Variants in MGAT4C observed in about 807,000 individuals in gnomAD.
MGAT4C encodes the protein alpha-1,3-mannosyl-glycoprotein 4-beta-N-acetylglucosaminyltransferase C.
A neutral mutation model predicts 40.1 loss-of-function variants in MGAT4C; 19 were observed. The ratio of observed to expected loss-of-function variants is 0.47; its 90% confidence interval spans 0.33 to 0.70. The LOEUF is 0.70. Among genes scored for constraint, MGAT4C ranks in the 30% least tolerant of loss-of-function variants. The pLI is 0.02. For synonymous variants in MGAT4C, 181 were observed against 187.1 expected (o/e 0.97, Z 0.27); for missense variants, 491 against 563.2 (o/e 0.87, Z 1.30).
At chr12:86,610,978 G>A (rs1474240936) in intron 2 of MGAT4C, among the ~76,000 whole-genome samples, 1 of 151,836 alleles carries the variant, frequency 6.6e-6, no homozygotes, top group African/African-American at 2.4e-5. Flanking sequence ...TTACATGTGG[G>A]TCAGAAATGG....
chr12:86,601,162 G>A (rs994526681), intron 2 of MGAT4C: 1 of 152,522 alleles, frequency 6.6e-6, no homozygotes, highest in Non-Finnish European at 1.5e-5. Flanking sequence ...GTCAGCCTGG[G>A]GGCCATGAAC....
chr12:86,814,068 G>A (rs1002160538), intron 1 of MGAT4C, among the ~76,000 whole-genome samples: 11 of 151,432 alleles, frequency 7.3e-5, no homozygotes, highest in South Asian at 4.2e-4. Flanking sequence ...ACACTGCCAC[G>A]CCTGGCAAAT....
chr12:86,036,887 C>G (rs1565891452), intron 2 of MGAT4C, among the ~76,000 whole-genome samples: 1 of 149,754 alleles, frequency 6.7e-6, no homozygotes, highest in Admixed American at 6.7e-5. Flanking sequence ...CCTCTTTGTA[C>G]CTCTGGTAGA....
At chr12:86,740,449 C>T (rs1005147652) in intron 1 of MGAT4C, among the ~76,000 whole-genome samples, 1 of 150,936 alleles carries the variant, frequency 6.6e-6, no homozygotes, top group Admixed American at 6.6e-5. Flanking sequence ...TAAATGTAAG[C>T]TTTTATTAAC....
intron 1 of MGAT4C, among the ~76,000 whole-genome samples, chr12:86,063,207 T>G (rs1232022001): frequency 6.6e-6 from 1 of 152,156 alleles, no homozygotes; most frequent in Admixed American, 6.6e-5. Context: ...CAGAAGACAG[T>G]GGGGCCAGTA....
intron 4 of MGAT4C, among the ~76,000 whole-genome samples, chr12:86,274,413 T>C (rs1209768747): frequency 6.6e-6 from 1 of 152,072 alleles, no homozygotes; most frequent in Non-Finnish European, 1.5e-5. Flanking sequence ...TATATAGTTA[T>C]ATATGTTTCC....
intron 2 of MGAT4C, among the ~76,000 whole-genome samples, chr12:86,580,221 A>C (rs12307710): frequency 0.032 from 4,821 of 151,578 alleles, 123 homozygotes; most frequent in Middle Eastern, 0.086. Context: ...TCAAATTTAA[A>C]TAGCAACTCT....
intron 2 of MGAT4C, among the ~76,000 whole-genome samples, chr12:86,633,542 A>C (rs1449237956): frequency 6.6e-6 from 1 of 152,112 alleles, no homozygotes; most frequent in Non-Finnish European, 1.5e-5. Context: ...TAATCTGACT[A>C]TACCTATTAG....
intron 1 of MGAT4C, among the ~76,000 whole-genome samples, chr12:86,085,477 T>C (rs1469176406): frequency 2.6e-5 from 4 of 152,210 alleles, no homozygotes. Flanking sequence ...CCCCATTGTT[T>C]GTTTTTGTCA....
At chr12:86,838,419 GC>G (rs1189686856) in intron 1 of MGAT4C, among the ~76,000 whole-genome samples, 1 of 152,140 alleles carries the variant, frequency 6.6e-6, no homozygotes, top group Non-Finnish European at 1.5e-5. Context: ...TGATAATGCA[GC>G]CTGCAGCACG....
At chr12:86,007,971 T>C (rs1280147154) in intron 2 of MGAT4C, among the ~76,000 whole-genome samples, 1 of 152,068 alleles carries the variant, frequency 6.6e-6, no homozygotes, top group South Asian at 2.1e-4. Context: ...GAAAATCAGT[T>C]GGATATATAT....
At chr12:86,621,207 T>C (rs1049989311) in intron 2 of MGAT4C, among the ~76,000 whole-genome samples, 1 of 152,024 alleles carries the variant, frequency 6.6e-6, no homozygotes, top group African/African-American at 2.4e-5. Context: ...AATTAAAAAA[T>C]AGATATAAAT....
chr12:86,170,325 G>C (rs1052394151), intron 1 of MGAT4C, among the ~76,000 whole-genome samples: 1 of 152,058 alleles, frequency 6.6e-6, no homozygotes, highest in Admixed American at 6.6e-5. Flanking sequence ...TCACCTCCTA[G>C]GATCATGTCA....
intron 1 of MGAT4C, among the ~76,000 whole-genome samples, chr12:86,757,820 G>A (rs1215353424): frequency 6.6e-6 from 1 of 152,134 alleles, no homozygotes; most frequent in Non-Finnish European, 1.5e-5. Flanking sequence ...TTGTCTAACA[G>A]TAAGTAGTAA....
At chr12:86,270,455 T>C (rs1952917146) in intron 4 of MGAT4C, among the ~76,000 whole-genome samples, 1 of 152,164 alleles carries the variant, frequency 6.6e-6, no homozygotes, top group African/African-American at 2.4e-5. Context: ...ACCACAATTC[T>C]ATTTTCTGTC....
chr12:86,687,246 G>C (rs942227387), intron 2 of MGAT4C, among the ~76,000 whole-genome samples: 1 of 151,624 alleles, frequency 6.6e-6, no homozygotes, highest in Non-Finnish European at 1.5e-5. Context: ...TATTTGTCTG[G>C]CTAGTGGTCC....
chr12:86,731,550 T>C (rs1278818854), intron 1 of MGAT4C, among the ~76,000 whole-genome samples: 1 of 152,164 alleles, frequency 6.6e-6, no homozygotes, highest in East Asian at 1.9e-4. Flanking sequence ...CCTTCGTTTA[T>C]TGTTGTAACC....
chr12:86,563,043 G>A (rs1959942701), intron 2 of MGAT4C, among the ~76,000 whole-genome samples: 1 of 152,138 alleles, frequency 6.6e-6, no homozygotes, highest in Non-Finnish European at 1.5e-5. Flanking sequence ...GGGTGCTGGA[G>A]AGGATTAGTC....
intron 1 of MGAT4C, among the ~76,000 whole-genome samples, chr12:86,087,438 T>C (rs1039022893): frequency 1.3e-5 from 2 of 152,134 alleles, no homozygotes; most frequent in African/African-American, 4.8e-5. Context: ...TTCCACCATA[T>C]AGTCTATAAG....
Sources: gnomAD v4.1 joint callset for allele counts (sites outside exome capture counted in the v4.1 genomes callset) on GRCh38, gnomAD v4.1.1 for gene constraint, MANE v1.5 for transcripts, NCBI Gene and HGNC (gene_info 2026-07-23, HGNC 2026-07-21) for gene names.